Variants in PDILT observed in about 807,000 individuals in gnomAD.
PDILT encodes protein disulfide-isomerase-like protein of the testis.
Under a neutral mutation model 53.7 loss-of-function variants are expected in PDILT, and 43 were observed. That is an observed-to-expected ratio of 0.80 (90% CI 0.63 to 1.03). The LOEUF (loss-of-function observed/expected upper bound fraction) is 1.03, where lower values mean the gene tolerates loss of function less well. Among genes scored for constraint, PDILT ranks in the 50% least tolerant of loss-of-function variants. PDILT has a pLI of 0.00. For synonymous variants in PDILT, 282 were observed against 274.2 expected (o/e 1.03, Z -0.28); for missense variants, 727 against 712.3 (o/e 1.02, Z -0.24).
rs76334546 is a variant in PDILT at position 20,367,570 on chromosome 16, G to A, written c.1116+1922C>T. Among the ~76,000 whole-genome samples, 88 of 152,280 alleles carry A rather than the reference G, an allele frequency of 5.8e-4. No homozygotes were observed. In the East Asian group the frequency reaches 0.015, roughly 25 times the overall value. ...CATAAGAAGACATGTTGGCCTTTGC[G>A]AGGGAGACGGACACCACCTCAGATC... On this transcript the variant is annotated intron_variant, in intron 8 of 11. Transcript: ENST00000302451.
intron 2 of PDILT, among the ~76,000 whole-genome samples, chr16:20,398,538 T>A (rs938085442): frequency 1.1e-4 from 16 of 152,190 alleles, no homozygotes; most frequent in Non-Finnish European, 2.2e-4. Context: ...GTATGAGGCA[T>A]GAGAATCGCG....
chr16:20,373,045 G>A lies in PDILT; in HGVS notation c.759C>T (p.His253=), dbSNP rs1270150166. ...TGTATTCGATCACAAAATCTGTAAG[G>A]TGCTGTTTTATGACACGATTGAGTT... ...KQELNRVIKQ[H]LTDFVIEYNT... Residue 253 remains histidine (H), a synonymous_variant, in exon 6 of 12, where the codon CAC becomes CAT. Transcript: ENST00000302451. The A allele has an allele frequency of 6.2e-7, 1 of 1,614,042 alleles. No homozygotes were observed. Among genetic ancestry groups the A allele is most frequent in the Admixed American group, 1.7e-5 (1 of 60,024 alleles).
intron 2 of PDILT, among the ~76,000 whole-genome samples, chr16:20,392,248 T>C (rs1483923587): frequency 6.6e-6 from 1 of 152,116 alleles, no homozygotes; most frequent in Non-Finnish European, 1.5e-5. Flanking sequence ...GAGTGGATGG[T>C]GGTACTTTCA....
chr16:20,373,344 G>A (rs914318360), intron 5 of PDILT, among the ~76,000 whole-genome samples: 7 of 152,064 alleles, frequency 4.6e-5, no homozygotes, highest in African/African-American at 1.4e-4. Flanking sequence ...TCAGATCTAC[G>A]GCAGGCCACA....
intron 2 of PDILT, among the ~76,000 whole-genome samples, chr16:20,385,165 T>A (rs192043891): frequency 6.6e-6 from 1 of 152,364 alleles, no homozygotes; most frequent in Admixed American, 6.5e-5. Context: ...CTTCAAGGAA[T>A]CGTCAGAGTT....
At position 20,369,620 on chromosome 16, in the gene PDILT, C is replaced by T. The variant is rs1301808424; in HGVS notation, c.988G>A (p.Glu330Lys). The change falls in exon 8 of 12, where the codon GAG becomes AAG. Residue 330 changes from glutamate (E) to lysine (K), a missense_variant. By Grantham distance (56) the Glu-to-Lys change is moderately conservative. Coordinates refer to ENST00000302451, the MANE Select transcript of PDILT (RefSeq NM_174924.2). ...GRVFKYFRVT[E>K]VDIPSVQILN... is the part of the protein sequence containing the mutation. ...ATTTGGACGGATGGGATATCGACCT[C>T]TGTGACCCGGAAGTACTTGAAGACA... The T allele has an allele frequency of 6.2e-7, 1 of 1,614,216 alleles. No homozygotes were observed. The highest frequency in any genetic ancestry group is 2.2e-5 in the East Asian group (1 of 44,890).
intron 2 of PDILT, among the ~76,000 whole-genome samples, chr16:20,393,284 G>A (rs565867835): frequency 1.5e-4 from 23 of 152,304 alleles, no homozygotes; most frequent in Admixed American, 1.3e-3. Flanking sequence ...GTGCTCACAG[G>A]CTCATGTAAA....
intron 2 of PDILT, among the ~76,000 whole-genome samples, chr16:20,397,322 G>T (rs950591725): frequency 6.6e-6 from 1 of 151,822 alleles, no homozygotes; most frequent in Non-Finnish European, 1.5e-5. Context: ...TTTTCTTTTT[G>T]GTAAAGATGG....
intron 3 of PDILT, among the ~76,000 whole-genome samples, chr16:20,378,606 C>G (rs550936550): frequency 1.3e-5 from 2 of 152,258 alleles, no homozygotes; most frequent in Admixed American, 1.3e-4. Context: ...GCTCTCCCTT[C>G]CCTCGCCCTC....
chr16:20,392,941 T>C (rs1966623371), intron 2 of PDILT, among the ~76,000 whole-genome samples: 1 of 152,216 alleles, frequency 6.6e-6, no homozygotes, highest in Non-Finnish European at 1.5e-5. Flanking sequence ...TTCCCAGCCT[T>C]ATCCATCCAC....
intron 1 of PDILT, among the ~76,000 whole-genome samples, chr16:20,400,070 A>ATTTTTTTT (rs1186213740): frequency 1.6e-5 from 2 of 126,678 alleles, no homozygotes; most frequent in African/African-American, 6.4e-5. Context: ...ATATATATAT[A>ATTTTTTTT]TATTTTTTGA....
intron 9 of PDILT, among the ~76,000 whole-genome samples, chr16:20,364,049 C>T (rs528183868): frequency 6.6e-6 from 1 of 152,328 alleles, no homozygotes; most frequent in African/African-American, 2.4e-5. Context: ...GCCATCCCCC[C>T]TGCCTGCAGC....
chr16:20,396,909 CT>C (rs1966668868), intron 2 of PDILT, among the ~76,000 whole-genome samples: 1 of 152,128 alleles, frequency 6.6e-6, no homozygotes, highest in Admixed American at 6.5e-5. Flanking sequence ...GGAGTGCCCC[CT>C]GTGACAGGGG....
chr16:20,359,358 TGGAGG>T lies in PDILT; in HGVS notation c.1711_1715del (p.Pro571SerfsTer?). On this transcript the variant is annotated frameshift_variant, in exon 12 of 12. Transcript: ENST00000302451. LOFTEE classifies it high-confidence loss of function. ...TGACTTTTGGTTTCTTCTTTTGCAC[TGGAGG>T]TCCCTTTGGCTTAGCCACCACCACC... is the stretch of plus-strand genomic sequence containing the variant. 1 of 1,614,246 alleles carries T rather than the reference TGGAGG, an allele frequency of 6.2e-7. No homozygotes were observed. The highest frequency in any genetic ancestry group is 1.7e-5 in the Admixed American group (1 of 60,032).
intron 9 of PDILT, 36 bp downstream of exon 9, chr16:20,365,384 A>T: frequency 6.2e-7 from 1 of 1,608,490 alleles, no homozygotes; most frequent in Non-Finnish European, 8.5e-7. Flanking sequence ...TAATTTTGGC[A>T]CCCGTTGCCT....
At chr16:20,373,307 T>C (rs1966334483) in intron 5 of PDILT, among the ~76,000 whole-genome samples, 185 bp from the exon 6 acceptor site, 1 of 152,140 alleles carries the variant, frequency 6.6e-6, no homozygotes, top group Admixed American at 6.6e-5. Context: ...GTGGGTAGAA[T>C]CTGGGTAGGT....
At chr16:20,388,742 G>C (rs1199700225) in intron 2 of PDILT, 1 of 152,054 alleles carries the variant, frequency 6.6e-6, no homozygotes, top group East Asian at 1.9e-4. Context: ...GAGAAACCCC[G>C]TCTCTACAAA....
At chr16:20,377,751 G>T (rs535692476) in intron 3 of PDILT, among the ~76,000 whole-genome samples, 2 of 152,158 alleles carry the variant, frequency 1.3e-5, no homozygotes, top group East Asian at 3.9e-4. Context: ...TCAGGAGATC[G>T]AGACAATCCT....
chr16:20,366,921 T>C (rs1278903246), intron 8 of PDILT, among the ~76,000 whole-genome samples: 5 of 151,850 alleles, frequency 3.3e-5, no homozygotes. Flanking sequence ...TCATTGCTCT[T>C]AGGAAACCAA....
Sources: gnomAD v4.1 joint callset for allele counts (sites outside exome capture counted in the v4.1 genomes callset) on GRCh38, gnomAD v4.1.1 for gene constraint, MANE v1.5 for transcripts, NCBI Gene and HGNC (gene_info 2026-07-23, HGNC 2026-07-21) for gene names.